PTPRC: variants seen among roughly 807,000 people sequenced by gnomAD.
The protein encoded by PTPRC is protein tyrosine phosphatase receptor type C.
PTPRC carries 44 observed loss-of-function variants against 155.9 expected under a neutral mutation model. The ratio of observed to expected loss-of-function variants is 0.28; its 90% CI spans 0.22 to 0.36. PTPRC has a LOEUF of 0.36. Among genes scored for constraint, PTPRC ranks in the 10% least tolerant of loss-of-function variants. PTPRC has a pLI of 1.00. For missense variants in PTPRC, 1,401 were observed against 1,564.6 expected, an observed-to-expected ratio of 0.90 and a Z score of 1.76; for synonymous variants, 525 against 533.1, an observed-to-expected ratio of 0.98 and a Z score of 0.21.
At chr1:198,716,931 C>A in intron 13 of PTPRC, 91 bp downstream of exon 13, 1 of 1,253,030 alleles carries the variant, frequency 8.0e-7, no homozygotes, top group Non-Finnish European at 1.1e-6. Context: ...TTTATTCTAG[C>A]AAGCACATTT....
rs185305113 is a variant in PTPRC, at chr1:198,700,442, C to G, written c.439+738C>G. ...ACATGGTCTTGCTTTAGGTAGGAAT[C>G]AAACACATCAAATAGAATAATTATT... On this transcript the variant is annotated intron_variant, in intron 5 of 32. Coordinates refer to ENST00000442510, the MANE Select transcript of PTPRC (RefSeq NM_002838.5). Among the ~76,000 whole-genome samples the G allele has an allele frequency of 2.6e-5, 4 of 152,268 alleles. No homozygotes were observed. The East Asian group carries it at 7.7e-4, about 29-fold the overall frequency.
At chr1:198,693,175 A>G (rs953685561) in intron 3 of PTPRC, 7 of 912,510 alleles carry the variant, frequency 7.7e-6, no homozygotes, top group Middle Eastern at 1.1e-3. Flanking sequence ...TAAAATGAAT[A>G]TTTTTGTCAT....
At chr1:198,660,164 C>A (rs1487351350) in intron 2 of PTPRC, among the ~76,000 whole-genome samples, 1 of 150,590 alleles carries the variant, frequency 6.6e-6, no homozygotes, top group Non-Finnish European at 1.5e-5. Flanking sequence ...AAATGGCTTT[C>A]AGAAAAGTTG....
At chr1:198,706,980 A>C (rs1653014749) in intron 9 of PTPRC, 28 bp downstream of exon 9, 1 of 1,535,120 alleles carries the variant, frequency 6.5e-7, no homozygotes, top group South Asian at 1.1e-5. Context: ...TCTTTTAATA[A>C]ATTTATAAAA....
chr1:198,679,820 TGCCGGGA>T lies in PTPRC; in HGVS notation c.74-12524_74-12518del, dbSNP rs1665197834. The stretch of plus-strand genomic sequence containing the variant: ...CATTCAGTGTATTGGGGCTTCTTCC[TGCCGGGA>T]GCGTCCGGGTCTGTTAGGACCAAGG... On this transcript the variant is annotated intron_variant, in intron 2 of 32. Transcript: ENST00000442510. 33 of 556,796 alleles carry T rather than the reference TGCCGGGA, an allele frequency of 5.9e-5. No homozygotes were observed. In the East Asian group the frequency reaches 9.8e-4, roughly 17 times the overall value. The allele number at this position is 556,796 out of a possible 1,614,324, so 34.5% of individuals were successfully genotyped here.
At chr1:198,747,169 C>T (rs953935969) in intron 26 of PTPRC, among the ~76,000 whole-genome samples, 3 of 150,264 alleles carry the variant, frequency 2.0e-5, no homozygotes, top group Non-Finnish European at 4.4e-5. Context: ...GGGTGTCTTC[C>T]AGAAGAAATT....
At position 198,744,139 on chromosome 1, in the gene PTPRC, A is replaced by G. The variant is rs776327098; in HGVS notation, c.2783A>G (p.Tyr928Cys). Residue 928 changes from tyrosine to cysteine, a missense_variant, in exon 26 of 33, where the codon TAT becomes TGT. This residue lies in a region of PTPRC where 134 missense variants were observed against 204.7 expected (regional missense o/e 0.65). Transcript: ENST00000442510. ...GTGAATTTGTCTGAATTACATCCAT[A>G]TCTACATAACATGAAGAAAAGGGAT... ...TEVNLSELHP[Y>C]LHNMKKRDPP... 46 of 1,605,164 alleles carry G rather than the reference A, an allele frequency of 2.9e-5. No individual in the cohort carries two copies. Among genetic ancestry groups the G allele is most frequent in the Non-Finnish European group, 3.6e-5 (42 of 1,172,776 alleles).
chr1:198,750,713 C>A, intron 29 of PTPRC, 87 bp downstream of exon 29: 2 of 1,514,186 alleles, frequency 1.3e-6, no homozygotes, highest in East Asian at 2.3e-5. Flanking sequence ...ATCGCCATAC[C>A]CACGTCTTTT....
At position 198,693,015 on chromosome 1, in the gene PTPRC, G is replaced by C. The variant is rs557399310; in HGVS notation, c.100+642G>C. ...TGGTTAAATATCACATCACTTAACT[G>C]ATGTTACTGAAAATGTATTTTCCTG... On this transcript the variant is annotated intron_variant, in intron 3 of 32. Transcript: ENST00000442510. 2.2e-5 allele frequency: 21 copies of C among 953,172 alleles called. 1 individual carries two copies. The East Asian group carries it at 2.1e-3, about 94-fold the overall frequency. 59.0% of individuals were successfully genotyped at this position (953,172 alleles called of 1,614,324 possible).
At chr1:198,749,938 C>A (rs947889528) in intron 28 of PTPRC, among the ~76,000 whole-genome samples, 2 of 151,770 alleles carry the variant, frequency 1.3e-5, no homozygotes, top group African/African-American at 4.8e-5. Context: ...TTCAGATAAA[C>A]TGAATTATTA....
intron 15 of PTPRC, among the ~76,000 whole-genome samples, chr1:198,722,905 T>A (rs958400161): frequency 6.6e-6 from 1 of 151,818 alleles, no homozygotes; most frequent in Non-Finnish European, 1.5e-5. Flanking sequence ...AAGCACTCCC[T>A]AATAACAATA....
chr1:198,706,684 A>T, intron 8 of PTPRC, 50 bp from the exon 9 acceptor site: 1 of 1,564,464 alleles, frequency 6.4e-7, no homozygotes, highest in Non-Finnish European at 8.8e-7. Flanking sequence ...GCATTAATGT[A>T]GTTTTATTTA....
intron 2 of PTPRC, among the ~76,000 whole-genome samples, chr1:198,657,167 A>G (rs553583937): frequency 8.5e-5 from 13 of 152,160 alleles, no homozygotes; most frequent in African/African-American, 3.1e-4. Flanking sequence ...TTCACTTACT[A>G]GAGCAGAAAA....
chr1:198,705,473 T>C (rs1159184620), intron 8 of PTPRC, among the ~76,000 whole-genome samples: 1 of 149,362 alleles, frequency 6.7e-6, no homozygotes, highest in East Asian at 1.9e-4. Flanking sequence ...CGGGCTGGAG[T>C]GCAGTGGTAC....
At chr1:198,656,597 C>G (rs12062772) in intron 2 of PTPRC, among the ~76,000 whole-genome samples, 44 of 151,546 alleles carry the variant, frequency 2.9e-4, no homozygotes, top group African/African-American at 1.1e-3. Context: ...CCAGAACAGA[C>G]AGCTAGTCTG....
chr1:198,645,763 G>A (rs369000262), intron 2 of PTPRC, among the ~76,000 whole-genome samples: 1 of 151,758 alleles, frequency 6.6e-6, no homozygotes, highest in African/African-American at 2.4e-5. Flanking sequence ...ATAGGCCTTT[G>A]AATTCTTTTA....
In PTPRC at chr1:198,756,184, A is replaced by AAAG. The variant is rs1655648868; in HGVS notation, c.*5_*7dup. On this transcript the variant is annotated 3_prime_UTR_variant, in exon 33 of 33. Transcript: ENST00000442510. ...CAGCTTTAAATCAAGGTTCATAGGA[A>AAAG]AAGACATAAATGAGGAAACTCCAAA... 1 of 1,612,974 alleles carries AAAG rather than the reference A, an allele frequency of 6.2e-7. No homozygotes were observed. The highest frequency in any genetic ancestry group is 8.5e-7 in the Non-Finnish European group (1 of 1,179,438).
intron 23 of PTPRC, among the ~76,000 whole-genome samples, chr1:198,740,348 C>T (rs12125695): frequency 0.091 from 13,877 of 151,750 alleles, 827 homozygotes; most frequent in Non-Finnish European, 0.13. Flanking sequence ...GAGGACAAGT[C>T]GGGTGTATCA....
intron 23 of PTPRC, among the ~76,000 whole-genome samples, chr1:198,735,607 A>G (rs1654601210): frequency 6.6e-6 from 1 of 151,674 alleles, no homozygotes; most frequent in Non-Finnish European, 1.5e-5. Context: ...ATGAAAAAAA[A>G]TTATATTATT....
Sources: gnomAD v4.1 joint callset for allele counts (sites outside exome capture counted in the v4.1 genomes callset) on GRCh38, gnomAD v4.1.1 for gene constraint, gnomAD v4.1.1 regional missense constraint, MANE v1.5 for transcripts, NCBI Gene and HGNC (gene_info 2026-07-23, HGNC 2026-07-21) for gene names.